Variants in PTPRM observed in about 807,000 individuals in gnomAD.
PTPRM encodes receptor-type tyrosine-protein phosphatase mu.
In PTPRM, 47 loss-of-function variants were observed where a neutral mutation model predicts 186.7. The ratio of observed to expected loss-of-function variants is 0.25; its 90% CI spans 0.20 to 0.32. PTPRM has a LOEUF of 0.32. Among genes scored for constraint, PTPRM ranks in the 10% least tolerant of loss-of-function variants. The pLI is 1.00. For synonymous variants in PTPRM, 668 were observed against 674.9 expected, an observed-to-expected ratio of 0.99 and a Z score of 0.16; for missense variants, 1,494 against 1,865.0, an observed-to-expected ratio of 0.80 and a Z score of 3.66.
chr18:8,019,679 G>A (rs2147947529), intron 7 of PTPRM, among the ~76,000 whole-genome samples: 1 of 150,808 alleles, frequency 6.6e-6, no homozygotes, highest in East Asian at 1.9e-4. Flanking sequence ...AAACAAGGAG[G>A]ATTAGGGGTG....
At chr18:7,790,298 AAG>A (rs1207914528) in intron 2 of PTPRM, among the ~76,000 whole-genome samples, 1 of 152,242 alleles carries the variant, frequency 6.6e-6, no homozygotes, top group East Asian at 1.9e-4. Context: ...CAAAGCACAG[AAG>A]AGAGAATCCT....
At chr18:7,877,345 T>C (rs1703921001) in intron 2 of PTPRM, among the ~76,000 whole-genome samples, 1 of 152,202 alleles carries the variant, frequency 6.6e-6, no homozygotes, top group African/African-American at 2.4e-5. Flanking sequence ...GCCTAGTTTG[T>C]ATTACTGACC....
intron 7 of PTPRM, among the ~76,000 whole-genome samples, chr18:8,027,112 G>A (rs1287292951): frequency 1.3e-5 from 2 of 152,104 alleles, no homozygotes; most frequent in African/African-American, 4.8e-5. Context: ...GAAATAAAGA[G>A]CATTTCCCCA....
chr18:8,000,104 C>T lies in PTPRM; in HGVS notation c.1132+44690C>T, dbSNP rs138883080. ...CATTCTATTGGACAAGGCCCACCTG[C>T]ATTAGGGAGGGCAATCTGCTTTGCT... On this transcript the variant is annotated intron_variant, in intron 7 of 32. Coordinates refer to ENST00000580170, the MANE Select transcript of PTPRM (RefSeq NM_001105244.2). 5.9e-4 allele frequency among the ~76,000 whole-genome samples: 90 copies of T among 152,312 alleles called. 2 individuals are homozygous for T. Among genetic ancestry groups the T allele is most frequent in the African/African-American group, 2.0e-3 (85 of 41,576 alleles).
intron 23 of PTPRM, among the ~76,000 whole-genome samples, chr18:8,353,512 C>T (rs573915097): frequency 5.0e-4 from 76 of 152,160 alleles, no homozygotes; most frequent in African/African-American, 1.8e-3. Context: ...GAGGAGTATA[C>T]AGTTTGGGTG....
At chr18:7,939,148 A>G (rs541801823) in intron 5 of PTPRM, among the ~76,000 whole-genome samples, 2 of 152,344 alleles carry the variant, frequency 1.3e-5, no homozygotes, top group South Asian at 4.1e-4. Context: ...GGTGGTAAGA[A>G]TTTCAATCAA....
At chr18:8,338,297 A>G (rs1258613553) in intron 22 of PTPRM, among the ~76,000 whole-genome samples, 1 of 150,790 alleles carries the variant, frequency 6.6e-6, no homozygotes, top group Non-Finnish European at 1.5e-5. Flanking sequence ...ATATATATAT[A>G]TGGAAAAAAA....
intron 19 of PTPRM, among the ~76,000 whole-genome samples, chr18:8,289,515 T>TAC (rs2095004961): frequency 1.6e-5 from 1 of 60,918 alleles, no homozygotes; most frequent in South Asian, 4.9e-4. Flanking sequence ...TGTGTGTATG[T>TAC]ATATATATAC....
rs570529771 is a variant in PTPRM, at chr18:8,374,863, C to T, written c.3172-1183C>T. ...CAAAGCACATAAAAATTCTGAATTT[C>T]TTCTTTGCTCACTAAGTATGTGTGA... is the stretch of plus-strand genomic sequence containing the variant. On this transcript the variant is annotated intron_variant, in intron 24 of 32. Transcript: ENST00000580170. Among the ~76,000 whole-genome samples the T allele has an allele frequency of 3.3e-5, 5 of 152,280 alleles. 1 individual carries two copies. The East Asian group carries it at 9.6e-4, about 29-fold the overall frequency.
chr18:8,084,032 C>G (rs938159820), intron 9 of PTPRM, among the ~76,000 whole-genome samples: 8 of 152,074 alleles, frequency 5.3e-5, no homozygotes, highest in African/African-American at 1.9e-4. Flanking sequence ...AAGCTAGCCA[C>G]GGTGGGCAGC....
At chr18:7,752,614 G>A (rs572865326) in intron 1 of PTPRM, among the ~76,000 whole-genome samples, 12 of 151,638 alleles carry the variant, frequency 7.9e-5, no homozygotes, top group Non-Finnish European at 1.5e-4. Context: ...TTTATTTTTT[G>A]TATTTTTTGT....
At chr18:7,877,106 G>T (rs1488486458) in intron 2 of PTPRM, among the ~76,000 whole-genome samples, 1 of 152,092 alleles carries the variant, frequency 6.6e-6, no homozygotes, top group Non-Finnish European at 1.5e-5. Flanking sequence ...TGATTTGAAA[G>T]TTTTTAATAA....
chr18:7,776,507 T>C (rs1304204786), intron 2 of PTPRM, among the ~76,000 whole-genome samples: 5 of 142,126 alleles, frequency 3.5e-5, no homozygotes, highest in African/African-American at 1.6e-4. Context: ...TTTTTCTTTT[T>C]CTTTCTTTTT....
Position 7,744,633 on chromosome 18 carries a change from T to A in PTPRM, c.74-29516T>A, listed in dbSNP as rs535953866. Among the ~76,000 whole-genome samples, 20 of 152,240 alleles carry A rather than the reference T, an allele frequency of 1.3e-4. No individual in the cohort carries two copies. In the East Asian group the frequency reaches 3.3e-3, roughly 25 times the overall value. On this transcript the variant is annotated intron_variant, in intron 1 of 32. Coordinates refer to ENST00000580170, the MANE Select transcript of PTPRM (RefSeq NM_001105244.2). ...GCACATGGTAGGTAATAAATACATA[T>A]GTATTGAGTGAATAAATGAACCAGA...
chr18:7,706,879 T>C (rs960639586), intron 1 of PTPRM, among the ~76,000 whole-genome samples: 2 of 152,126 alleles, frequency 1.3e-5, no homozygotes, highest in African/African-American at 4.8e-5. Flanking sequence ...AAACATCAAT[T>C]ATTAATCCTT....
intron 13 of PTPRM, among the ~76,000 whole-genome samples, chr18:8,117,261 A>T (rs1373289432): frequency 6.6e-6 from 1 of 152,212 alleles, no homozygotes; most frequent in Non-Finnish European, 1.5e-5. Context: ...AATGTAGAAG[A>T]GTTCAAACAT....
chr18:7,872,402 A>G (rs768662065), intron 2 of PTPRM, among the ~76,000 whole-genome samples: 14 of 152,200 alleles, frequency 9.2e-5, no homozygotes, highest in Non-Finnish European at 1.3e-4. Flanking sequence ...ATAAAATTAT[A>G]TTATTGTGCA....
intron 4 of PTPRM, among the ~76,000 whole-genome samples, chr18:7,922,038 T>C (rs576608649): frequency 1.3e-5 from 2 of 152,346 alleles, no homozygotes; most frequent in Admixed American, 6.5e-5. Flanking sequence ...TTAGAGCTTC[T>C]TTGTAATTTA....
intron 1 of PTPRM, among the ~76,000 whole-genome samples, chr18:7,654,354 T>TG (rs2038798184): frequency 6.6e-6 from 1 of 152,134 alleles, no homozygotes; most frequent in Non-Finnish European, 1.5e-5. Context: ...TTTTTTTGTG[T>TG]GAAAAATTAG....
Sources: allele counts gnomAD v4.1 joint callset (sites outside exome capture counted in the v4.1 genomes callset), GRCh38; gene constraint gnomAD v4.1.1; transcripts MANE v1.5; gene names NCBI Gene and HGNC (gene_info 2026-07-23, HGNC 2026-07-21).